KMT2D: variants seen among roughly 807,000 people sequenced by gnomAD.
KMT2D encodes the protein histone-lysine N-methyltransferase 2D.
KMT2D carries 55 observed loss-of-function variants against 512.7 expected under a neutral mutation model. The ratio of observed to expected loss-of-function variants is 0.11; its 90% CI spans 0.09 to 0.13. KMT2D has a LOEUF of 0.13. KMT2D is among the 10% of genes least tolerant of loss of function. KMT2D has a pLI of 1.00. For missense variants in KMT2D, 6,061 were observed against 7,127.9 expected (o/e 0.85, Z 5.39); for synonymous variants, 2,995 against 2,904.0 (o/e 1.03, Z -1.01).
Position 49,059,830 on chromosome 12 carries a change from T to G in KMT2D, c.-255A>C, listed in dbSNP as rs1938631398. 6.6e-6 allele frequency: 1 copy of G among 152,050 alleles called. No homozygotes were observed. Among genetic ancestry groups the G allele is most frequent in the Non-Finnish European group, 1.5e-5 (1 of 68,070 alleles). The allele number at this position is 152,050 out of a possible 1,614,324, so 9.4% of individuals were successfully genotyped here. On this transcript the variant is annotated 5_prime_UTR_variant, in exon 1 of 55. The change abolishes the stop of an existing upstream ORF in the 5' untranslated region. Transcript: ENST00000301067. ...TTCTCTGCCTCAGGTTCCAGCAGTTTAGGTTTCCATGGACAGCCCCAGGGC... is the reference window on the plus strand; with the variant it reads ...TTCTCTGCCTCAGGTTCCAGCAGTTGAGGTTTCCATGGACAGCCCCAGGGC...
Position 49,024,514 on chromosome 12 carries a change from G to C in KMT2D, c.16052+64C>G. ...GATCTGTATCCTAAATCCTCATAAT[G>C]GGACCAGAGGATCCCTGTCAACACC... On this transcript the variant is annotated intron_variant, in intron 51 of 54. Transcript: ENST00000301067. The surrounding 1 kb of genome is among the most constrained non-coding windows in gnomAD (Gnocchi z 4.5). The C allele has an allele frequency of 1.3e-6, 2 of 1,531,952 alleles. No homozygotes were observed. Among genetic ancestry groups the C allele is most frequent in the South Asian group, 2.6e-5 (2 of 78,136 alleles). 94.9% of individuals were successfully genotyped at this position (1,531,952 alleles called of 1,614,324 possible).
rs1411081922 is a variant in KMT2D at position 49,022,824 on chromosome 12, G to A, written c.16104C>T (p.Phe5368=). 6.2e-7 allele frequency: 1 copy of A among 1,613,412 alleles called. No homozygotes were observed. The highest frequency in any genetic ancestry group is 1.7e-5 in the Admixed American group (1 of 60,000). ...TGTAGGGGGTGTTGGTCTCGCCTGT[G>A]AAGGTGCTCTGATATGCCTTAGACA... is the stretch of plus-strand genomic sequence containing the variant. ...TSMSKAYQST[F]TGETNTPYSK... The change falls in exon 52 of 55, where the codon TTC becomes TTT. Residue 5368 remains phenylalanine (F), a synonymous_variant. Transcript: ENST00000301067. This position sits in a 1 kb window ranked among gnomAD's most constrained non-coding sequence, Gnocchi z 8.6.
rs758858726 is a variant in KMT2D, at chr12:49,033,762, G to A, written c.10943C>T (p.Pro3648Leu). The change falls in exon 40 of 55, where the codon CCG becomes CTG. Residue 3648 changes from proline to leucine, a missense_variant. Pro to Leu is a moderately conservative substitution (Grantham distance 98). Transcript: ENST00000301067. ...GHGLQPPQGPPGGQAGGLRLT... is the reference protein window; with the variant it reads ...GHGLQPPQGPLGGQAGGLRLT... Reference sequence around the variant, plus strand: ...GCGAAGACCTCCGGCTTGCCCACCCGGAGGCCCCTGTGGTGGCTGCAGCCC... The same window carrying A: ...GCGAAGACCTCCGGCTTGCCCACCCAGAGGCCCCTGTGGTGGCTGCAGCCC... The A allele has an allele frequency of 2.4e-5, 38 of 1,611,418 alleles. No homozygotes were observed. The highest frequency in any genetic ancestry group is 1.6e-4 in the Middle Eastern group (1 of 6,070).
At position 49,046,955 on chromosome 12, in the gene KMT2D, CTT is replaced by C. The variant is rs1236699320; in HGVS notation, c.4237-167_4237-166del. ...CTGCCTCTCAGGTACAAGTGATTCTCTTGTCTCAGCCTCCCAAGTAGCTGAGA... is the reference window on the plus strand; with the variant it reads ...CTGCCTCTCAGGTACAAGTGATTCTCGTCTCAGCCTCCCAAGTAGCTGAGA... On this transcript the variant is annotated intron_variant, in intron 15 of 54. Coordinates refer to ENST00000301067, the MANE Select transcript of KMT2D (RefSeq NM_003482.4). The surrounding 1 kb of genome is among the most constrained non-coding windows in gnomAD (Gnocchi z 4.2). Among the ~76,000 whole-genome samples the C allele has an allele frequency of 2.6e-5, 4 of 152,084 alleles. No individual in the cohort carries two copies. Among genetic ancestry groups the C allele is most frequent in the Non-Finnish European group, 5.9e-5 (4 of 68,016 alleles).
Position 49,019,006 on chromosome 12 carries a change from GTT to G in KMT2D, c.*2772_*2773del. 1 of 1,394,880 alleles carries G rather than the reference GTT, an allele frequency of 7.2e-7. No homozygotes were observed. Among genetic ancestry groups the G allele is most frequent in the Non-Finnish European group, 9.3e-7 (1 of 1,078,176 alleles). 86.4% of individuals were successfully genotyped at this position (1,394,880 alleles called of 1,614,324 possible). A position where few individuals can be genotyped will look rare whatever the true frequency, so the allele number is the denominator to read the frequency against. On this transcript the variant is annotated 3_prime_UTR_variant, in exon 55 of 55. Coordinates refer to ENST00000301067, the MANE Select transcript of KMT2D (RefSeq NM_003482.4). The stretch of plus-strand genomic sequence containing the variant: ...TTAAAATGTTCTTTTTTTATTTGTC[GTT>G]TAAAAACAAACTTGGAAGAAGCAAA...
rs752746570 is a variant in KMT2D at position 49,024,988 on chromosome 12, G to C, written c.15785-42C>G. The C allele has an allele frequency of 1.3e-6, 2 of 1,562,492 alleles. No homozygotes were observed. The highest frequency in any genetic ancestry group is 1.7e-6 in the Non-Finnish European group (2 of 1,152,838). On this transcript the variant is annotated intron_variant, in intron 49 of 54. Transcript: ENST00000301067. This position sits in a 1 kb window ranked among gnomAD's most constrained non-coding sequence, Gnocchi z 4.5. ...AGAGCAGTCCTCAGAGGCAACTTCT[G>C]CTCACTGACCTCCAGTCCCTAACCC...
Position 49,041,304 on chromosome 12 carries a change from G to C in KMT2D, c.6466C>G (p.Pro2156Ala), listed in dbSNP as rs747014712. 2 of 1,529,578 alleles carry C rather than the reference G, an allele frequency of 1.3e-6. No individual in the cohort carries two copies. The highest frequency in any genetic ancestry group is 1.4e-5 in the African/African-American group (1 of 72,210). 94.8% of individuals were successfully genotyped at this position (1,529,578 alleles called of 1,614,324 possible). ...PAGSVPGPDS[P>A]GELFLKLPPQ... ...GGGAGCTTGAGGAAGAGCTCACCAG[G>C]CGAGTCAGGGCCAGGCACCGAGCCC... Residue 2156 changes from proline (P) to alanine (A), a missense_variant, in exon 32 of 55, where the codon CCT becomes GCT. Physicochemically the swap from Pro to Ala is conservative, Grantham distance 27. Coordinates refer to ENST00000301067, the MANE Select transcript of KMT2D (RefSeq NM_003482.4). The surrounding 1 kb of genome is among the most constrained non-coding windows in gnomAD (Gnocchi z 5.4).
rs764253212 is a variant in KMT2D at position 49,028,871 on chromosome 12, C to T, written c.14339G>A (p.Ser4780Asn). The change falls in exon 46 of 55, where the codon AGT becomes AAT. Residue 4780 changes from serine to asparagine, a missense_variant. Physicochemically the swap from Ser to Asn is conservative, Grantham distance 46. Transcript: ENST00000301067. ...PVTTWEKGKG[S>N]EVSVMLTVSA... is the part of the protein sequence containing the mutation. ...GACTGTGAGCATGACTGACACCTCA[C>T]TTCCTTTGCCCTTTTCCCAAGTTGT... 6.2e-7 allele frequency: 1 copy of T among 1,614,062 alleles called. No homozygotes were observed. The highest frequency in any genetic ancestry group is 8.5e-7 in the Non-Finnish European group (1 of 1,179,904).
intron 46 of KMT2D, 87 bp from the exon 47 acceptor site, chr12:49,028,228 A>T: frequency 1.3e-6 from 2 of 1,524,188 alleles, no homozygotes; most frequent in Non-Finnish European, 1.8e-6. Context: ...GGACAAGGAC[A>T]CCTAGAACCC....
chr12:49,027,811 G>A lies in KMT2D; in HGVS notation c.14635C>T (p.Leu4879=), dbSNP rs368094058. 3.6e-5 allele frequency: 57 copies of A among 1,566,936 alleles called. No homozygotes were observed. The African/African-American group carries it at 7.5e-4, about 21-fold the overall frequency. Residue 4879 remains leucine, a synonymous_variant, in exon 48 of 55, where the codon CTG becomes TTG. Transcript: ENST00000301067. The part of the protein sequence containing the change: ...LKSQLDILSL[L]KQESPAPEPP... The stretch of plus-strand genomic sequence containing the variant: ...TTCTCCCCCAGACCTACCTGTTTCA[G>A]GAGGCTCAAGATGTCTAGTTGGCTC...
In KMT2D at chr12:49,049,986, T is replaced by G. The variant is rs904939927; in HGVS notation, c.3602A>C (p.Lys1201Thr). ...PVAPTPPTLI[K>T]SDIVNEISNL... ...AGAGATCTCGTTAACGATGTCGGAT[T>G]TGATGAGAGTGGGTGGTGTGGGGGC... Residue 1201 changes from lysine (K) to threonine (T), a missense_variant, in exon 12 of 55, where the codon AAA (lysine) becomes ACA (threonine). Lys to Thr is a moderately conservative substitution (Grantham distance 78). This residue lies in a region of KMT2D where 447 missense variants were observed against 500.1 expected (regional missense o/e 0.89). Coordinates refer to ENST00000301067, the MANE Select transcript of KMT2D (RefSeq NM_003482.4). 6.2e-7 allele frequency: 1 copy of G among 1,613,822 alleles called. No homozygotes were observed. Among genetic ancestry groups the G allele is most frequent in the Non-Finnish European group, 8.5e-7 (1 of 1,179,892 alleles).
chr12:49,052,428 C>T lies in KMT2D; in HGVS notation c.1259-4G>A, dbSNP rs2120687350. 6.5e-7 allele frequency: 1 copy of T among 1,540,796 alleles called. No individual in the cohort carries two copies. On this transcript the variant is annotated splice_polypyrimidine_tract_variant and splice_region_variant and intron_variant, in intron 10 of 54. Coordinates refer to ENST00000301067, the MANE Select transcript of KMT2D (RefSeq NM_003482.4). ...TCAAGTTGGACCCCTGCTTTCCCTG[C>T]AGACACAACAACACGATGCTCCTAT...
At position 49,046,892 on chromosome 12, in the gene KMT2D, C is replaced by G; in HGVS notation, c.4237-102G>C. 1 of 1,113,010 alleles carries G rather than the reference C, an allele frequency of 9.0e-7. No homozygotes were observed. The highest frequency in any genetic ancestry group is 1.3e-6 in the Non-Finnish European group (1 of 786,786). 68.9% of individuals were successfully genotyped at this position (1,113,010 alleles called of 1,614,324 possible). A position where few individuals can be genotyped will look rare whatever the true frequency, so the allele number is the denominator to read the frequency against. On this transcript the variant is annotated intron_variant, in intron 15 of 54. Transcript: ENST00000301067. This position sits in a 1 kb window ranked among gnomAD's most constrained non-coding sequence, Gnocchi z 4.2. ...TGGAGTTTTGCTCTTGTTCCCCAGG[C>G]TGGAGTGCAATGGCGCGATCTCGGC...
At position 49,050,063 on chromosome 12, in the gene KMT2D, T is replaced by C. The variant is rs1348336370; in HGVS notation, c.3525A>G (p.Thr1175=). The C allele has an allele frequency of 6.2e-7, 1 of 1,613,732 alleles. No individual in the cohort carries two copies. Among genetic ancestry groups the C allele is most frequent in the Non-Finnish European group, 8.5e-7 (1 of 1,179,900 alleles). ...PMEVYPECKQ[T]AGQGSPCEEQ... The stretch of plus-strand genomic sequence containing the variant: ...CTTCACATGGTGAGCCCTGCCCTGC[T>C]GTCTGCTTGCATTCGGGGTAGACCT... Residue 1175 remains threonine (T), a synonymous_variant, in exon 12 of 55, where the codon ACA becomes ACG. Transcript: ENST00000301067.
rs531952904 is a variant in KMT2D, at chr12:49,044,977, G to C, written c.4742-12C>G. ...AAAGTACTGGGGCTCTGCATAAGAG[G>C]AAAGAGTATGTGATCCCTGGATGGA... On this transcript the variant is annotated splice_polypyrimidine_tract_variant and intron_variant, in intron 19 of 54. Coordinates refer to ENST00000301067, the MANE Select transcript of KMT2D (RefSeq NM_003482.4). This position sits in a 1 kb window ranked among gnomAD's most constrained non-coding sequence, Gnocchi z 6.4. 8 of 1,608,454 alleles carry C rather than the reference G, an allele frequency of 5.0e-6. No homozygotes were observed. Among genetic ancestry groups the C allele is most frequent in the Non-Finnish European group, 6.8e-6 (8 of 1,175,008 alleles).
rs2120603926 is a variant in KMT2D at position 49,046,293 on chromosome 12, T to C, written c.4550A>G (p.Glu1517Gly). 6.2e-7 allele frequency: 1 copy of C among 1,613,954 alleles called. No homozygotes were observed. Among genetic ancestry groups the C allele is most frequent in the African/African-American group, 1.3e-5 (1 of 75,016 alleles). The stretch of plus-strand genomic sequence containing the variant: ...GTGGCGGCACTGGATTAGTAGGTCC[T>C]CTTCTACGTAAGGAGCATGACAGAT... ...CPICHAPYVE[E>G]DLLIQCRHCE... Residue 1517 changes from glutamate (E) to glycine (G), a missense_variant, in exon 17 of 55, where the codon GAG becomes GGG. Transcript: ENST00000301067. This position sits in a 1 kb window ranked among gnomAD's most constrained non-coding sequence, Gnocchi z 4.2.
chr12:49,051,551 G>C lies in KMT2D; in HGVS notation c.2132C>G (p.Pro711Arg), dbSNP rs893615522. The C allele has an allele frequency of 6.2e-7, 1 of 1,611,444 alleles. No homozygotes were observed. The highest frequency in any genetic ancestry group is 8.5e-7 in the Non-Finnish European group (1 of 1,178,194). ...PPEDSPASPP[P>R]EDSLMSLPLE... ...CGGCAGGGACATGAGCGAGTCCTCCGGTGGTGGGGAAGCAGGTGAGTCCTC... is the reference window on the plus strand; with the variant it reads ...CGGCAGGGACATGAGCGAGTCCTCCCGTGGTGGGGAAGCAGGTGAGTCCTC... The change falls in exon 11 of 55, where the codon CCG becomes CGG. Residue 711 changes from proline (P) to arginine (R), a missense_variant. This residue lies in a region of KMT2D where 848 missense variants were observed against 838.5 expected (regional missense o/e 1.01). Coordinates refer to ENST00000301067, the MANE Select transcript of KMT2D (RefSeq NM_003482.4).
In KMT2D at chr12:49,034,076, T is replaced by C; in HGVS notation, c.10731A>G (p.Gln3577=). The C allele has an allele frequency of 6.2e-7, 1 of 1,612,194 alleles. No individual in the cohort carries two copies. ...VTEQQSKIQK[Q]LDQVRKQQKE... is the part of the protein sequence containing the mutation. ...GTTTGCTTTCCCCCACCTGATCCAG[T>C]TGTTTCTGGATCTTGCTCTGCTGCT... Residue 3577 remains glutamine (Q), a synonymous_variant, in exon 39 of 55, where the codon CAA becomes CAG. Transcript: ENST00000301067.
At position 49,053,041 on chromosome 12, in the gene KMT2D, C is replaced by T. The variant is rs2120692797; in HGVS notation, c.986G>A (p.Gly329Asp). 6.2e-7 allele frequency: 1 copy of T among 1,614,050 alleles called. No individual in the cohort carries two copies. The highest frequency in any genetic ancestry group is 8.5e-7 in the Non-Finnish European group (1 of 1,179,892). Residue 329 changes from glycine to aspartate, a missense_variant, in exon 9 of 55, where the codon GGC becomes GAC. Around this residue, in one of 16 missense-constraint regions of KMT2D, gnomAD observed 848 missense variants for 838.5 expected, o/e 1.01. Coordinates refer to ENST00000301067, the MANE Select transcript of KMT2D (RefSeq NM_003482.4). ...ACRVCRACGA[G>D]SAELNPNSEW... The stretch of plus-strand genomic sequence containing the variant: ...CGAGTTGGGATTCAGTTCTGCTGAG[C>T]CCGCCCCACAGGCCCGGCACACCCG...
Sources: allele counts gnomAD v4.1 joint callset (sites outside exome capture counted in the v4.1 genomes callset), GRCh38; gene constraint gnomAD v4.1.1; regional missense constraint gnomAD v4.1.1; non-coding constraint Gnocchi (gnomAD v3.1); transcripts MANE v1.5; gene names NCBI Gene and HGNC (gene_info 2026-07-23, HGNC 2026-07-21).